The following MVB12A variants were observed in gnomAD, a reference collection of about 807,000 sequenced individuals.
The protein encoded by MVB12A is multivesicular body subunit 12A.
In MVB12A, 30 loss-of-function variants were observed where a neutral mutation model predicts 34.3. The ratio of observed to expected loss-of-function variants is 0.88; its 90% CI spans 0.65 to 1.19. MVB12A has a LOEUF of 1.19. Among genes scored for constraint, MVB12A ranks in the 50% most tolerant of loss-of-function variants. The pLI is 0.00. For synonymous variants in MVB12A, 158 were observed against 158.9 expected (o/e 0.99, Z 0.04); for missense variants, 355 against 369.2 (o/e 0.96, Z 0.31).
chr19:17,416,510 G>T (rs1271916425), upstream of MVB12A, among the ~76,000 whole-genome samples: 1 of 149,410 alleles, frequency 6.7e-6, no homozygotes, highest in African/African-American at 2.5e-5. Context: ...CCACTTCTGG[G>T]GCTCAAGCAA....
Position 17,425,022 on chromosome 19 carries a change from C to A in MVB12A, c.*29C>A, listed in dbSNP as rs1231668882. 2.8e-6 allele frequency: 4 copies of A among 1,426,578 alleles called. 1 individual carries two copies. In the South Asian group the frequency reaches 3.7e-5, roughly 13 times the overall value. 88.4% of individuals were successfully genotyped at this position (1,426,578 alleles called of 1,614,324 possible). On this transcript the variant is annotated 3_prime_UTR_variant, in exon 9 of 9. Transcript: ENST00000317040. ...CTCACCCTTCCGCGGAAAGAGCCCC[C>A]TTACTCCACCTCCCCGCCAGCCTGG...
At chr19:17,418,484 C>A (rs2074815945), upstream of MVB12A, among the ~76,000 whole-genome samples, 1 of 151,304 alleles carries the variant, frequency 6.6e-6, no homozygotes, top group African/African-American at 2.4e-5. Context: ...CCTCCACCTC[C>A]CGGGTTCCAG....
chr19:17,423,997 G>A lies in MVB12A; in HGVS notation c.641-9G>A, dbSNP rs149308006. 5.0e-3 allele frequency: 8,080 copies of A among 1,614,112 alleles called. 87 individuals carry two copies. The highest frequency in any genetic ancestry group is 0.029 in the South Asian group (2,608 of 91,084). On this transcript the variant is annotated splice_polypyrimidine_tract_variant and intron_variant, in intron 6 of 8. Transcript: ENST00000317040. The stretch of plus-strand genomic sequence containing the variant: ...CACCTCACCTCCTCCCCTCGCACGT[G>A]TTTTTCAGCCATGGATGGGGTTCCC...
At chr19:17,418,555 G>C (rs1303272410), upstream of MVB12A, among the ~76,000 whole-genome samples, 1 of 151,184 alleles carries the variant, frequency 6.6e-6, no homozygotes, top group Non-Finnish European at 1.5e-5. Flanking sequence ...ACCACGCCTG[G>C]ATAGTTTTTT....
At position 17,425,245 on chromosome 19, in the gene MVB12A, T is replaced by G. The variant is rs1036139963; in HGVS notation, c.*252T>G. ...AGGGCTGGAGCTGGACAGAAGCCAG[T>G]GCCTTTAAGTCATTTGTGTCAAAAC... On this transcript the variant is annotated 3_prime_UTR_variant, in exon 9 of 9. Coordinates refer to ENST00000317040, the MANE Select transcript of MVB12A (RefSeq NM_138401.4). 1 of 494,054 alleles carries G rather than the reference T, an allele frequency of 2.0e-6. No individual in the cohort carries two copies. Among genetic ancestry groups the G allele is most frequent in the Non-Finnish European group, 3.6e-6 (1 of 280,590 alleles). The allele number at this position is 494,054 out of a possible 1,614,324, so 30.6% of individuals were successfully genotyped here. A position where few individuals can be genotyped will look rare whatever the true frequency, so the allele number is the denominator to read the frequency against.
intron 3 of MVB12A, chr19:17,422,128 C>T: frequency 2.2e-6 from 1 of 464,760 alleles, no homozygotes; most frequent in Admixed American, 3.6e-5. Flanking sequence ...GATCAGCCTA[C>T]TCCAGCGGTT....
intron 3 of MVB12A, chr19:17,421,181 C>CCT (rs33992986): frequency 3.2e-6 from 1 of 309,040 alleles, no homozygotes; most frequent in Non-Finnish European, 6.1e-6. Flanking sequence ...GTTGGCAAAC[C>CCT]TTTTTTTTTT....
In MVB12A at chr19:17,424,973, C is replaced by T. The variant is rs1296861323; in HGVS notation, c.802C>T (p.Leu268=). The T allele has an allele frequency of 6.2e-7, 1 of 1,610,346 alleles. No homozygotes were observed. The highest frequency in any genetic ancestry group is 8.5e-7 in the Non-Finnish European group (1 of 1,177,774). ...FVVEKTAAAR[L]PPSVS ...GGTGGAGAAGACCGCGGCTGCCCGCCTGCCCCCCAGCGTCTCATAGTCCCT... is the reference window on the plus strand; with the variant it reads ...GGTGGAGAAGACCGCGGCTGCCCGCTTGCCCCCCAGCGTCTCATAGTCCCT... The change falls in exon 9 of 9, where the codon CTG becomes TTG. Residue 268 remains leucine, a synonymous_variant. Transcript: ENST00000317040.
At chr19:17,422,786 T>G (rs1268288943) in intron 4 of MVB12A, 1 of 157,820 alleles carries the variant, frequency 6.3e-6, no homozygotes, top group Non-Finnish European at 1.4e-5. Context: ...CCATCTCTAC[T>G]GAAAATACAA....
At chr19:17,405,789 C>T in intron 1 of MVB12A, 1 of 499,912 alleles carries the variant, frequency 2.0e-6, no homozygotes, top group Non-Finnish European at 3.6e-6. Flanking sequence ...TTTTTTTCAC[C>T]CTGCTTTAAA....
chr19:17,409,368 G>A (rs1405776900), intron 2 of MVB12A, among the ~76,000 whole-genome samples: 1 of 146,956 alleles, frequency 6.8e-6, no homozygotes, highest in Non-Finnish European at 1.5e-5. Context: ...CGACCTCAAG[G>A]GATCCACCCG....
At chr19:17,421,086 A>G (rs774253932) in intron 3 of MVB12A, 18 of 459,114 alleles carry the variant, frequency 3.9e-5, no homozygotes, top group South Asian at 2.8e-4. Context: ...CCACAACCCT[A>G]GTGCAGCCCT....
chr19:17,422,156 ATCCCCTCC>A, intron 3 of MVB12A, 168 bp from the exon 4 acceptor site: 1 of 326,236 alleles, frequency 3.1e-6, no homozygotes. Context: ...GCTGCATGGA[ATCCCCTCC>A]TTCATCTATA....
chr19:17,410,529 T>TATACAC, intron 2 of MVB12A, among the ~76,000 whole-genome samples: 2 of 74,448 alleles, frequency 2.7e-5, no homozygotes, highest in African/African-American at 6.6e-5. Flanking sequence ...TATATATATA[T>TATACAC]ACACACACAC....
At chr19:17,411,964 G>A (rs959857763) in intron 2 of MVB12A, among the ~76,000 whole-genome samples, 2 of 152,204 alleles carry the variant, frequency 1.3e-5, no homozygotes, top group African/African-American at 2.4e-5. Context: ...GCCCCAGGGC[G>A]CTCAGCGGGT....
chr19:17,424,226 G>A (rs930849509), intron 7 of MVB12A, among the ~76,000 whole-genome samples, 159 bp downstream of exon 7: 2 of 152,156 alleles, frequency 1.3e-5, no homozygotes, highest in Non-Finnish European at 2.9e-5. Context: ...TTCAGTCTTA[G>A]AATGGGGAGG....
intron 2 of MVB12A, among the ~76,000 whole-genome samples, chr19:17,407,757 C>T (rs1443764636): frequency 2.6e-5 from 4 of 152,194 alleles, no homozygotes; most frequent in Non-Finnish European, 5.9e-5. Context: ...TGACTGATGT[C>T]AGGCCCTCCA....
upstream of MVB12A, chr19:17,417,213 C>CTTTTTTTTTTTTTTTTTT (rs35583565): frequency 8.3e-5 from 8 of 96,568 alleles, 2 homozygotes; most frequent in African/African-American, 3.7e-4. Context: ...TCACCCAGAG[C>CTTTTTTTTTTTTTTTTTT]TTTTTTTTTT....
chr19:17,423,685 A>G lies in MVB12A; in HGVS notation c.534-8A>G. On this transcript the variant is annotated splice_polypyrimidine_tract_variant and splice_region_variant and intron_variant, in intron 5 of 8. Transcript: ENST00000317040. ...GATGAGGCTTAACCTGAGTCATCCC[A>G]CCTCCAGTAAGGGCGGCCTCCTGGA... The G allele has an allele frequency of 6.2e-7, 1 of 1,613,356 alleles. No homozygotes were observed. Among genetic ancestry groups the G allele is most frequent in the Non-Finnish European group, 8.5e-7 (1 of 1,179,724 alleles).
Sources: gnomAD v4.1 joint callset for allele counts (sites outside exome capture counted in the v4.1 genomes callset) on GRCh38, gnomAD v4.1.1 for gene constraint, MANE v1.5 for transcripts, NCBI Gene and HGNC (gene_info 2026-07-23, HGNC 2026-07-21) for gene names.